HNRNPK: variants seen among roughly 807,000 people sequenced by gnomAD.
HNRNPK encodes the protein heterogeneous nuclear ribonucleoprotein K, also known as dC-stretch binding protein.
In HNRNPK, 7 loss-of-function variants were observed where a neutral mutation model predicts 67.0. That is an observed-to-expected ratio of 0.10 (90% CI 0.06 to 0.20). The LOEUF (loss-of-function observed/expected upper bound fraction) is 0.20, where lower values mean the gene tolerates loss of function less well. Ranked by LOEUF, HNRNPK falls within the 10% of genes least tolerant of loss-of-function variation. HNRNPK has a pLI of 1.00. For missense variants in HNRNPK, 264 were observed against 606.5 expected (o/e 0.44, Z 5.93); for synonymous variants, 213 against 193.7 (o/e 1.10, Z -0.83).
Position 83,974,526 on chromosome 9 carries a change from G to A in HNRNPK, c.321C>T (p.Thr107=), listed in dbSNP as rs11548846. Residue 107 remains threonine (T), a synonymous_variant, in exon 7 of 17, where the codon ACC becomes ACT. Transcript: ENST00000376263. ...AAAAAAATGAGCCTACCTCTTCCAA[G>A]GTAGGGATGATTTTCTTCAGAATTT... ...IGEILKKIIP[T]LEEGLQLPSP... The A allele has an allele frequency of 2.6e-6, 4 of 1,564,970 alleles. No individual in the cohort carries two copies. The East Asian group carries it at 6.7e-5, about 26-fold the overall frequency.
rs753168553 is a variant in HNRNPK, at chr9:83,971,697, C to T, written c.983G>A (p.Arg328Lys). The T allele has an allele frequency of 2.5e-6, 4 of 1,613,890 alleles. No individual in the cohort carries two copies. Among genetic ancestry groups the T allele is most frequent in the African/African-American group, 1.3e-5 (1 of 74,928 alleles). Residue 328 changes from arginine to lysine, a missense_variant, in exon 12 of 17, where the codon AGA becomes AAA. Transcript: ENST00000376263. The part of the protein sequence containing the change: ...GDLMAYDRRG[R>K]PGDRYDGMVG... ...CATGCCGTCGTAACGGTCTCCAGGT[C>T]TCCCTCTTCTGTCATAGGCCATGAG...
At chr9:83,977,200 C>G (rs903972934) in intron 4 of HNRNPK, 149 bp from the exon 5 acceptor site, 1 of 617,572 alleles carries the variant, frequency 1.6e-6, no homozygotes, top group African/African-American at 1.8e-5. Flanking sequence ...CAGGCCAAAA[C>G]CAAACCAAAA....
chr9:83,971,089 G>GCAC (rs1450269240), intron 13 of HNRNPK, 177 bp from the exon 14 acceptor site: 1 of 721,256 alleles, frequency 1.4e-6, no homozygotes. Context: ...TTATGAGTGA[G>GCAC]CACCACTGCA....
intron 15 of HNRNPK, 126 bp from the exon 16 acceptor site, chr9:83,970,457 TA>T: frequency 1.3e-6 from 1 of 760,546 alleles, no homozygotes; most frequent in Non-Finnish European, 2.1e-6. Flanking sequence ...TAACGCTCCC[TA>T]AACCTGTCAA....
At chr9:83,974,469 C>T in intron 7 of HNRNPK, 48 bp downstream of exon 7, 3 of 908,504 alleles carry the variant, frequency 3.3e-6, no homozygotes, top group Non-Finnish European at 5.3e-6. Context: ...ATACTTTAAA[C>T]ATTCCCCCCT....
In HNRNPK at chr9:83,978,317, T is replaced by C. The variant is rs575020550; in HGVS notation, c.-27-38A>G. 13 of 1,542,646 alleles carry C rather than the reference T, an allele frequency of 8.4e-6. No individual in the cohort carries two copies. In the Admixed American group the frequency reaches 1.3e-4, roughly 16 times the overall value. ...AAAGCAGCTAGTACATTTGGCTTAT[T>C]GGAAAGCAAGCTGTAAAAAAAAAAA... On this transcript the variant is annotated intron_variant, in intron 2 of 16. Coordinates refer to ENST00000376263, the MANE Select transcript of HNRNPK (RefSeq NM_031263.4).
intron 10 of HNRNPK, 190 bp from the exon 11 acceptor site, chr9:83,972,379 G>A (rs1956890343): frequency 1.8e-6 from 1 of 569,254 alleles, no homozygotes; most frequent in Non-Finnish European, 3.1e-6. Flanking sequence ...AATACTTTTG[G>A]CAAATGCTAA....
intron 9 of HNRNPK, 113 bp downstream of exon 9, chr9:83,973,173 A>G (rs915731422): frequency 1.3e-6 from 1 of 792,700 alleles, no homozygotes. Flanking sequence ...GTCATTTGCG[A>G]TAAGCAATCT....
intron 15 of HNRNPK, 184 bp downstream of exon 15, chr9:83,970,553 A>G (rs1956781606): frequency 1.6e-6 from 1 of 641,780 alleles, no homozygotes; most frequent in African/African-American, 1.8e-5. Flanking sequence ...AACTACTTTT[A>G]TTAATAGCAC....
At chr9:83,977,981 T>C (rs1015757825) in intron 3 of HNRNPK, among the ~76,000 whole-genome samples, 195 bp from the exon 4 acceptor site, 2 of 152,174 alleles carry the variant, frequency 1.3e-5, no homozygotes, top group African/African-American at 4.8e-5. Context: ...CTTCAAAGGA[T>C]TTGAAATCCC....
rs958901040 is a variant in HNRNPK at position 83,978,269 on chromosome 9, G to A, written c.-17C>T. ...AGTTTCCATATTCTTTTATTAAACG[G>A]GCACACCAATCTGTGGAAAAATAAA... On this transcript the variant is annotated 5_prime_UTR_variant, in exon 3 of 17. Transcript: ENST00000376263. 3.7e-6 allele frequency: 6 copies of A among 1,608,898 alleles called. No homozygotes were observed. Among genetic ancestry groups the A allele is most frequent in the Non-Finnish European group, 4.2e-6 (5 of 1,177,576 alleles).
chr9:83,973,128 C>A (rs1956928293), intron 9 of HNRNPK, among the ~76,000 whole-genome samples, 156 bp from the exon 10 acceptor site: 1 of 152,144 alleles, frequency 6.6e-6, no homozygotes. Flanking sequence ...AAAATTTTGA[C>A]AAAATAACAT....
chr9:83,973,523 CTT>C, intron 8 of HNRNPK, 124 bp from the exon 9 acceptor site: 1 of 664,476 alleles, frequency 1.5e-6, no homozygotes, highest in Non-Finnish European at 2.7e-6. Context: ...ATTTCAATAA[CTT>C]TACCAGTTAT....
At position 83,969,440 on chromosome 9, in the gene HNRNPK, A is replaced by G. The variant is rs1956719210; in HGVS notation, c.1362T>C (p.Ser454=). ...IQNAQYLLQN[S]VKQYADVEGF ...CTTCAACATCTGCATACTGCTTCAC[A>G]CTATAAAAGAAAAGAAAAAAAAGTG... is the stretch of plus-strand genomic sequence containing the variant. The change falls in exon 17 of 17, where the codon AGT becomes AGC. Residue 454 remains serine, a splice_region_variant and synonymous_variant. Coordinates refer to ENST00000376263, the MANE Select transcript of HNRNPK (RefSeq NM_031263.4). The G allele has an allele frequency of 7.6e-6, 12 of 1,572,928 alleles. No homozygotes were observed. Among genetic ancestry groups the G allele is most frequent in the Non-Finnish European group, 1.0e-5 (12 of 1,155,508 alleles).
intron 4 of HNRNPK, 140 bp from the exon 5 acceptor site, chr9:83,977,191 A>C (rs1564068859): frequency 1.6e-6 from 1 of 637,426 alleles, no homozygotes; most frequent in East Asian, 2.7e-5. Context: ...AAAAACGACC[A>C]GGCCAAAACC....
At chr9:83,974,679 C>A in intron 6 of HNRNPK, 90 bp from the exon 7 acceptor site, 1 of 804,632 alleles carries the variant, frequency 1.2e-6, no homozygotes. Context: ...CAAACTTTCA[C>A]AGAGATGTAA....
chr9:83,969,794 C>T (rs764377743), intron 16 of HNRNPK: 4 of 628,120 alleles, frequency 6.4e-6, no homozygotes, highest in Middle Eastern at 2.7e-4. Context: ...GATTTGTTGT[C>T]GATTTAGTTA....
chr9:83,976,920 G>A (rs1326878926), intron 5 of HNRNPK, 75 bp downstream of exon 5: 12 of 783,454 alleles, frequency 1.5e-5, no homozygotes, highest in Admixed American at 9.1e-5. Context: ...TGATTTCTAG[G>A]ATGTAAATCT....
intron 10 of HNRNPK, among the ~76,000 whole-genome samples, chr9:83,972,539 G>A (rs1482756138): frequency 6.6e-6 from 1 of 152,186 alleles, no homozygotes; most frequent in Non-Finnish European, 1.5e-5. Flanking sequence ...GTCTTGGCAA[G>A]CCTGTAATCC....
Sources: gnomAD v4.1 joint callset for allele counts (sites outside exome capture counted in the v4.1 genomes callset) on GRCh38, gnomAD v4.1.1 for gene constraint, MANE v1.5 for transcripts, NCBI Gene and HGNC (gene_info 2026-07-23, HGNC 2026-07-21) for gene names.